The following TNRC6B variants were observed in gnomAD, a reference collection of about 807,000 sequenced individuals.
TNRC6B encodes trinucleotide repeat-containing gene 6B protein.
TNRC6B carries 52 observed loss-of-function variants against 203.6 expected under a neutral mutation model. The observed-to-expected ratio is 0.26, with a 90% CI of 0.20 to 0.32. The LOEUF is 0.32. TNRC6B is among the 10% of genes least tolerant of loss of function. The probability of loss-of-function intolerance (pLI) is 1.00; values close to 1 mark genes in which losing one functional copy is unlikely to be tolerated. For missense variants in TNRC6B, 1,923 were observed against 2,286.2 expected (o/e 0.84, Z 3.24); for synonymous variants, 838 against 845.7 (o/e 0.99, Z 0.16).
intron 3 of TNRC6B, among the ~76,000 whole-genome samples, chr22:40,143,671 T>G (rs1024628282): frequency 1.1e-4 from 17 of 152,138 alleles, no homozygotes; most frequent in Non-Finnish European, 1.8e-4. Context: ...TAATTTTTTG[T>G]ATTTTTAGTA....
intron 4 of TNRC6B, among the ~76,000 whole-genome samples, chr22:40,157,414 C>T (rs1175545384): frequency 6.6e-6 from 1 of 151,816 alleles, no homozygotes; most frequent in African/African-American, 2.4e-5. Flanking sequence ...TCTTTAAAAC[C>T]CTTAGGAATA....
chr22:40,060,376 G>A (rs5757841), intron 1 of TNRC6B, among the ~76,000 whole-genome samples: 17 of 151,946 alleles, frequency 1.1e-4, no homozygotes, highest in African/African-American at 2.7e-4. Context: ...ACAGGGTTTC[G>A]CCATGTTGGC....
intron 4 of TNRC6B, among the ~76,000 whole-genome samples, chr22:40,156,489 A>T (rs1461976143): frequency 1.3e-5 from 2 of 152,212 alleles, no homozygotes; most frequent in Admixed American, 6.5e-5. Flanking sequence ...CAAAGAAAGT[A>T]TAAAATGGTA....
At chr22:40,264,052 C>G (rs2070431279) in intron 4 of TNRC6B, among the ~76,000 whole-genome samples, 1 of 152,164 alleles carries the variant, frequency 6.6e-6, no homozygotes, top group African/African-American at 2.4e-5. Flanking sequence ...GAATTGGGCC[C>G]AGAAGGATGA....
At chr22:40,089,298 T>A (rs941749095) in intron 1 of TNRC6B, among the ~76,000 whole-genome samples, 8 of 152,098 alleles carry the variant, frequency 5.3e-5, no homozygotes, top group Admixed American at 3.9e-4. Flanking sequence ...ATTGGTGTGA[T>A]CTTGGCTCAC....
chr22:40,102,830 G>A (rs2068251295), intron 1 of TNRC6B, among the ~76,000 whole-genome samples: 1 of 152,130 alleles, frequency 6.6e-6, no homozygotes, highest in South Asian at 2.1e-4. Context: ...TGTAATCCCA[G>A]CACTTTGGGA....
chr22:40,119,561 G>T (rs1453366016), intron 2 of TNRC6B, among the ~76,000 whole-genome samples: 1 of 152,192 alleles, frequency 6.6e-6, no homozygotes, highest in African/African-American at 2.4e-5. Context: ...TCCAACCTGG[G>T]CAACAGAGCA....
intron 1 of TNRC6B, among the ~76,000 whole-genome samples, chr22:40,242,716 C>G (rs959727906): frequency 6.6e-6 from 1 of 152,082 alleles, no homozygotes; most frequent in African/African-American, 2.4e-5. Flanking sequence ...AGGCGTGAGC[C>G]ACCGCGCCCG....
rs548442854 is a variant in TNRC6B, at chr22:40,275,951, C to T, written c.3142-1126C>T. 1.8e-3 allele frequency among the ~76,000 whole-genome samples: 268 copies of T among 149,464 alleles called. 3 individuals are homozygous for T. The highest frequency in any genetic ancestry group is 4.2e-4 in the Non-Finnish European group (28 of 67,324). On this transcript the variant is annotated intron_variant, in intron 7 of 22. Coordinates refer to ENST00000454349, the MANE Select transcript of TNRC6B (RefSeq NM_001162501.2). ...TCCAGCCTGGGTGACAAGAGCGAAA[C>T]TCAGTCTCAAAAAAAAAAACCGCCC...
chr22:40,266,732 A>G lies in TNRC6B; in HGVS notation c.2502A>G (p.Pro834=), dbSNP rs2070486727. Residue 834 remains proline, a synonymous_variant, in exon 5 of 23, where the codon CCA becomes CCG. Transcript: ENST00000454349. ...QPPQQPPPPQ[P]EASGSWGGPP... ...CACAGCAGCCGCCGCCACCACAACC[A>G]GAGGCTTCTGGTTCGTGGGGAGGCC... The G allele has an allele frequency of 6.2e-7, 1 of 1,613,894 alleles. No homozygotes were observed. The highest frequency in any genetic ancestry group is 8.5e-7 in the Non-Finnish European group (1 of 1,179,890).
At chr22:40,260,537 A>G (rs2070364268) in intron 3 of TNRC6B, among the ~76,000 whole-genome samples, 1 of 152,194 alleles carries the variant, frequency 6.6e-6, no homozygotes, top group Non-Finnish European at 1.5e-5. Flanking sequence ...GAGAATTTTC[A>G]TGGTAGAGAG....
At chr22:40,288,762 C>A (rs149083484) in intron 12 of TNRC6B, among the ~76,000 whole-genome samples, 1,702 of 149,774 alleles carry the variant, frequency 0.011, 33 homozygotes, top group African/African-American at 0.04. Flanking sequence ...AGGCTGGTCT[C>A]GAACTCCTGA....
intron 1 of TNRC6B, among the ~76,000 whole-genome samples, chr22:40,076,797 C>G (rs888420980): frequency 1.3e-5 from 2 of 152,164 alleles, no homozygotes; most frequent in African/African-American, 4.8e-5. Flanking sequence ...ACTACTGTTT[C>G]TAAGCTTTAC....
chr22:40,143,744 C>T (rs1467477336), intron 3 of TNRC6B, among the ~76,000 whole-genome samples: 2 of 152,228 alleles, frequency 1.3e-5, no homozygotes, highest in South Asian at 4.1e-4. Context: ...GATCCGCCCG[C>T]CTTGGCCACC....
intron 1 of TNRC6B, among the ~76,000 whole-genome samples, chr22:40,205,869 G>A (rs2069470850): frequency 6.6e-6 from 1 of 152,120 alleles, no homozygotes; most frequent in Admixed American, 6.6e-5. Context: ...TTGATTATTG[G>A]GAAAGTCTTT....
intron 1 of TNRC6B, among the ~76,000 whole-genome samples, chr22:40,227,593 T>C (rs993948459): frequency 1.3e-5 from 2 of 152,056 alleles, no homozygotes; most frequent in African/African-American, 4.8e-5. Flanking sequence ...TCAAGTGATC[T>C]GCCCAGCTCG....
intron 1 of TNRC6B, among the ~76,000 whole-genome samples, chr22:40,063,882 T>C (rs952556338): frequency 6.6e-6 from 1 of 152,154 alleles, no homozygotes; most frequent in African/African-American, 2.4e-5. Context: ...TTTTAATTTT[T>C]TGTAGAGACA....
At chr22:40,145,441 A>C (rs2068685712) in intron 3 of TNRC6B, among the ~76,000 whole-genome samples, 1 of 152,226 alleles carries the variant, frequency 6.6e-6, no homozygotes, top group Non-Finnish European at 1.5e-5. Context: ...AGCTTTCAAA[A>C]AATATATACA....
intron 1 of TNRC6B, among the ~76,000 whole-genome samples, chr22:40,228,976 CTAAATCTTA>C (rs778471120): frequency 2.4e-4 from 37 of 152,104 alleles, no homozygotes; most frequent in Admixed American, 2.2e-3. Context: ...GATTTATTCA[CTAAATCTTA>C]CATTAAGACC....
Sources: allele counts gnomAD v4.1 joint callset (sites outside exome capture counted in the v4.1 genomes callset), GRCh38; gene constraint gnomAD v4.1.1; transcripts MANE v1.5; gene names NCBI Gene and HGNC (gene_info 2026-07-23, HGNC 2026-07-21).